Variants in PRICKLE2 observed in about 807,000 individuals in gnomAD.
PRICKLE2 encodes the protein prickle planar cell polarity protein 2.
A neutral mutation model predicts 81.4 loss-of-function variants in PRICKLE2; 21 were observed. That is an observed-to-expected ratio of 0.26 (90% CI 0.18 to 0.37). The LOEUF (loss-of-function observed/expected upper bound fraction) is 0.37. Ranked by LOEUF, PRICKLE2 falls within the 10% of genes least tolerant of loss-of-function variation. The pLI, the probability that PRICKLE2 is intolerant of heterozygous loss-of-function variation, is 1.00. For missense variants in PRICKLE2, 940 were observed against 1,109.0 expected (o/e 0.85, Z 2.16); for synonymous variants, 456 against 421.5 (o/e 1.08, Z -1.00).
intron 2 of PRICKLE2, among the ~76,000 whole-genome samples, chr3:64,175,648 G>T (rs746736119): frequency 9.2e-5 from 14 of 152,060 alleles, no homozygotes; most frequent in Non-Finnish European, 2.1e-4. Context: ...TGCATTTCTA[G>T]ATATTGACTG....
upstream of PRICKLE2, among the ~76,000 whole-genome samples, chr3:64,227,949 T>C (rs2079052131): frequency 1.3e-5 from 2 of 152,206 alleles, no homozygotes; most frequent in Admixed American, 6.5e-5. Context: ...CTCAAAGTTC[T>C]ATCTAATGTG....
chr3:64,210,620 G>A (rs1205243743), intron 1 of PRICKLE2, among the ~76,000 whole-genome samples: 1 of 152,168 alleles, frequency 6.6e-6, no homozygotes, highest in Non-Finnish European at 1.5e-5. Flanking sequence ...ATTTTCAGGG[G>A]CAGTTGTTTC....
At chr3:64,187,692 A>G (rs2078261017) in intron 2 of PRICKLE2, 1 of 152,270 alleles carries the variant, frequency 6.6e-6, no homozygotes, top group African/African-American at 2.4e-5. Flanking sequence ...CACCCAGCAG[A>G]CCTTGGGAGA....
At chr3:64,160,204 A>G (rs2077709352) in intron 3 of PRICKLE2, 127 bp from the exon 4 acceptor site, 1 of 969,672 alleles carries the variant, frequency 1.0e-6, no homozygotes, top group South Asian at 1.3e-5. Flanking sequence ...CCTGAACTTT[A>G]ACCACAACAG....
rs796818279 is a variant in PRICKLE2 at position 64,152,964 on chromosome 3, G to GA, written c.787+217dup. ...AAGGCAAATTAAGCTGAGATACAGAGAAAAAAATCGGTTTTGTCTGAACCC... is the reference window on the plus strand; with the variant it reads ...AAGGCAAATTAAGCTGAGATACAGAGAAAAAAAATCGGTTTTGTCTGAACCC... On this transcript the variant is annotated intron_variant, in intron 6 of 7. Coordinates refer to ENST00000638394, the MANE Select transcript of PRICKLE2 (RefSeq NM_198859.4). 1.4e-4 allele frequency among the ~76,000 whole-genome samples: 22 copies of GA among 152,200 alleles called. 1 individual carries two copies. Among genetic ancestry groups the GA allele is most frequent in the African/African-American group, 5.3e-4 (22 of 41,536 alleles).
At chr3:64,240,236 A>T (rs1425894575) in intron 2 of PRICKLE2, among the ~76,000 whole-genome samples, 2 of 152,184 alleles carry the variant, frequency 1.3e-5, no homozygotes, top group East Asian at 3.9e-4. Flanking sequence ...TGGGGAGGCC[A>T]TGAGGTCACC....
At chr3:64,181,047 A>G (rs2078122819) in intron 2 of PRICKLE2, among the ~76,000 whole-genome samples, 1 of 152,208 alleles carries the variant, frequency 6.6e-6, no homozygotes. Context: ...AACAAATGAA[A>G]TGATCTGGCA....
chr3:64,205,998 G>A (rs931256224), intron 1 of PRICKLE2, among the ~76,000 whole-genome samples: 7 of 152,330 alleles, frequency 4.6e-5, no homozygotes, highest in Middle Eastern at 6.8e-3. Flanking sequence ...TGAAGTAGGT[G>A]CTTGGTAATT....
At chr3:64,185,055 C>CTA (rs2078199382) in intron 2 of PRICKLE2, among the ~76,000 whole-genome samples, 1 of 152,144 alleles carries the variant, frequency 6.6e-6, no homozygotes, top group African/African-American at 2.4e-5. Flanking sequence ...AGAAAGGAGA[C>CTA]TATAATACAA....
chr3:64,117,984 G>A (rs1378673495), intron 7 of PRICKLE2, among the ~76,000 whole-genome samples: 1 of 152,132 alleles, frequency 6.6e-6, no homozygotes, highest in Non-Finnish European at 1.5e-5. Flanking sequence ...AAGGCAGGAT[G>A]GTACTGGTAG....
chr3:64,176,162 T>C (rs1257377889), intron 2 of PRICKLE2, among the ~76,000 whole-genome samples: 1 of 152,154 alleles, frequency 6.6e-6, no homozygotes, highest in African/African-American at 2.4e-5. Flanking sequence ...ATTCCTTGAA[T>C]AGGACTAGCT....
chr3:64,186,121 T>C (rs187787522), intron 2 of PRICKLE2, among the ~76,000 whole-genome samples: 58 of 152,358 alleles, frequency 3.8e-4, no homozygotes, highest in African/African-American at 1.3e-3. Flanking sequence ...TTCACTTTTA[T>C]TGTGAAGTAG....
At chr3:64,216,928 C>CA (rs1230950118) in intron 1 of PRICKLE2, among the ~76,000 whole-genome samples, 1 of 152,174 alleles carries the variant, frequency 6.6e-6, no homozygotes, top group Non-Finnish European at 1.5e-5. Flanking sequence ...CTAGTCTTGA[C>CA]AGGCTTTCCT....
chr3:64,129,855 T>C (rs1159725062), intron 7 of PRICKLE2, among the ~76,000 whole-genome samples: 1 of 152,150 alleles, frequency 6.6e-6, no homozygotes, highest in Non-Finnish European at 1.5e-5. Context: ...TTTTGAGGTG[T>C]CTGTGGCAGT....
intron 2 of PRICKLE2, among the ~76,000 whole-genome samples, chr3:64,235,055 T>G (rs984816043): frequency 1.3e-5 from 2 of 152,194 alleles, no homozygotes; most frequent in Admixed American, 6.5e-5. Flanking sequence ...TCTGTTTATT[T>G]ATTTTCACTC....
chr3:64,222,621 A>C (rs696235), intron 1 of PRICKLE2, among the ~76,000 whole-genome samples: 115,800 of 151,982 alleles, frequency 0.76, 44,427 homozygotes, highest in East Asian at 0.96. Context: ...GGGGAGGGCT[A>C]TTCCTTTCCC....
At chr3:64,110,976 AAAAAAAAAGT>A (rs1369281727) in intron 7 of PRICKLE2, among the ~76,000 whole-genome samples, 68 of 151,680 alleles carry the variant, frequency 4.5e-4, no homozygotes, top group African/African-American at 1.4e-3. Context: ...AAAAAAAAAA[AAAAAAAAAGT>A]GTCTTTCATG....
At chr3:64,112,309 T>C (rs1053333639) in intron 7 of PRICKLE2, among the ~76,000 whole-genome samples, 5 of 152,192 alleles carry the variant, frequency 3.3e-5, no homozygotes, top group Non-Finnish European at 5.9e-5. Flanking sequence ...AAGTGGTTTA[T>C]GGATTTAAGA....
chr3:64,259,644 GAGATTA>G (rs2079587057), intron 2 of PRICKLE2, among the ~76,000 whole-genome samples: 2 of 4,868 alleles, frequency 4.1e-4, no homozygotes, highest in Non-Finnish European at 1.2e-3. Flanking sequence ...AAGAGATTAT[GAGATTA>G]TGTAGATTAT....
Sources: allele counts gnomAD v4.1 joint callset (sites outside exome capture counted in the v4.1 genomes callset), GRCh38; gene constraint gnomAD v4.1.1; transcripts MANE v1.5; gene names NCBI Gene and HGNC (gene_info 2026-07-23, HGNC 2026-07-21).